The following ZNF831 variants were observed in gnomAD, a reference collection of about 807,000 sequenced individuals.
ZNF831 encodes the protein chromosome 20 open reading frame 174.
Under a neutral mutation model 95.8 loss-of-function variants are expected in ZNF831, and 59 were observed. The observed-to-expected ratio is 0.62, with a 90% CI of 0.50 to 0.77. The LOEUF is 0.77. Among genes scored for constraint, ZNF831 ranks in the 30% least tolerant of loss-of-function variants. The probability of loss-of-function intolerance (pLI) is 0.00; values close to 1 mark genes in which losing one functional copy is unlikely to be tolerated. For missense variants in ZNF831, 2,205 were observed against 2,164.0 expected, an observed-to-expected ratio of 1.02 and a Z score of -0.38; for synonymous variants, 961 against 925.5, an observed-to-expected ratio of 1.04 and a Z score of -0.70.
rs1005209832 is a variant in ZNF831 at position 59,193,892 on chromosome 20, G to A, written c.2873G>A (p.Trp958Ter). 22 of 1,606,976 alleles carry A rather than the reference G, an allele frequency of 1.4e-5. No individual in the cohort carries two copies. In the Admixed American group the frequency reaches 2.7e-4, roughly 20 times the overall value. The change falls in exon 2 of 6, where the codon TGG becomes TAG. Residue 958 changes from tryptophan (W) to a stop codon, truncating the protein, a stop_gained. Coordinates refer to ENST00000371030, the MANE Select transcript of ZNF831 (RefSeq NM_178457.3). LOFTEE classifies it high-confidence loss of function. ...ACCCCCTTACCACTGCCCATTCCCT[G>A]GGGACCAAGGCACAGCCAGGACTCT... The part of the protein sequence containing the change: ...AETPLPLPIP[W>*]GPRHSQDSLC...
Position 59,191,132 on chromosome 20 carries a change from G to A in ZNF831, c.113G>A (p.Gly38Asp), listed in dbSNP as rs765715020. 2 of 1,599,236 alleles carry A rather than the reference G, an allele frequency of 1.3e-6. No homozygotes were observed. Among genetic ancestry groups the A allele is most frequent in the South Asian group, 2.2e-5 (2 of 90,468 alleles). ...GGQASPHLTL[G>D]PVLLPPEQGL... Reference sequence around the variant, plus strand: ...CAGGCCTCACCTCACCTGACCCTGGGCCCTGTCCTTCTGCCGCCAGAGCAG... The same window carrying A: ...CAGGCCTCACCTCACCTGACCCTGGACCCTGTCCTTCTGCCGCCAGAGCAG... Residue 38 changes from glycine to aspartate, a missense_variant, in exon 2 of 6, where the codon GGC (glycine) becomes GAC (aspartate). Transcript: ENST00000371030.
Position 59,217,419 on chromosome 20 carries a change from C to A in ZNF831, c.4027+10363C>A, listed in dbSNP as rs1985768462. ...ACACTTGCATCATGCTCCTTGGACACACTGTTTATATCTCCTTAGCCCAGG... is the reference window on the plus strand; with the variant it reads ...ACACTTGCATCATGCTCCTTGGACAAACTGTTTATATCTCCTTAGCCCAGG... On this transcript the variant is annotated intron_variant, in intron 4 of 5. Transcript: ENST00000371030. This position sits in a 1 kb window ranked among gnomAD's most constrained non-coding sequence, Gnocchi z 4.4. 6.6e-6 allele frequency among the ~76,000 whole-genome samples: 1 copy of A among 152,246 alleles called. No individual in the cohort carries two copies. The highest frequency in any genetic ancestry group is 2.4e-5 in the African/African-American group (1 of 41,460).
intron 1 of ZNF831, among the ~76,000 whole-genome samples, chr20:59,186,983 T>C (rs1325831452): frequency 6.6e-6 from 1 of 151,982 alleles, no homozygotes; most frequent in Non-Finnish European, 1.5e-5. Context: ...TTTGCTGATT[T>C]TTGTGGTGTC....
chr20:59,139,182 G>A (rs1473086363), intron 1 of ZNF831, among the ~76,000 whole-genome samples: 1 of 152,126 alleles, frequency 6.6e-6, no homozygotes, highest in Non-Finnish European at 1.5e-5. Flanking sequence ...CTTAGGCCTT[G>A]AGGTTCATCC....
Position 59,192,498 on chromosome 20 carries a change from C to T in ZNF831, c.1479C>T (p.Ser493=), listed in dbSNP as rs2146566546. 6.4e-7 allele frequency: 1 copy of T among 1,562,946 alleles called. No homozygotes were observed. The highest frequency in any genetic ancestry group is 8.7e-7 in the Non-Finnish European group (1 of 1,155,616). ...TCCACTCCGTCCCCACTCAGCTCTC[C>T]ACCACCGTGGAATGTGTCCCCGTCA... ...LFFHSVPTQL[S]TTVECVPVTR... is the part of the protein sequence containing the mutation. The change falls in exon 2 of 6, where the codon TCC becomes TCT. Residue 493 remains serine (S), a synonymous_variant. Transcript: ENST00000371030. The surrounding 1 kb of genome is among the most constrained non-coding windows in gnomAD (Gnocchi z 5.2).
At chr20:59,218,654 G>T (rs908642258) in intron 4 of ZNF831, among the ~76,000 whole-genome samples, 2 of 151,664 alleles carry the variant, frequency 1.3e-5, no homozygotes, top group African/African-American at 2.4e-5. Context: ...GCCTGGTTTG[G>T]TCATGTGGCT....
intron 4 of ZNF831, among the ~76,000 whole-genome samples, chr20:59,228,226 C>T (rs1433686040): frequency 2.6e-5 from 4 of 152,132 alleles, no homozygotes; most frequent in Non-Finnish European, 4.4e-5. Context: ...TATTACTGCT[C>T]ATGGATCTCT....
intron 1 of ZNF831, among the ~76,000 whole-genome samples, chr20:59,135,599 C>A (rs964493984): frequency 6.6e-6 from 1 of 151,942 alleles, no homozygotes; most frequent in East Asian, 1.9e-4. Flanking sequence ...GGCGTGGTGG[C>A]GGGTGCCTGT....
intron 2 of ZNF831, among the ~76,000 whole-genome samples, chr20:59,157,416 C>T (rs1321500624): frequency 1.3e-5 from 2 of 152,232 alleles, no homozygotes; most frequent in Non-Finnish European, 2.9e-5. Flanking sequence ...GGATTCTGAA[C>T]TCTGGCTTGG....
chr20:59,134,909 T>G (rs2146438976), intron 1 of ZNF831, among the ~76,000 whole-genome samples: 1 of 152,278 alleles, frequency 6.6e-6, no homozygotes, highest in South Asian at 2.1e-4. Context: ...GTGGTGAGGA[T>G]TGAGGAATAC....
At chr20:59,153,637 G>A (rs923427859) in intron 2 of ZNF831, among the ~76,000 whole-genome samples, 2 of 149,198 alleles carry the variant, frequency 1.3e-5, no homozygotes, top group Non-Finnish European at 3.0e-5. Flanking sequence ...GTGGTTGGGG[G>A]CTGGTGACCC....
At chr20:59,176,629 T>G (rs1236293350) in intron 1 of ZNF831, among the ~76,000 whole-genome samples, 1 of 152,220 alleles carries the variant, frequency 6.6e-6, no homozygotes, top group Non-Finnish European at 1.5e-5. Context: ...TGTATTTCGC[T>G]TTAGTGCGTA....
rs2146603815 is a variant in ZNF831 at position 59,194,692 on chromosome 20, C to G, written c.3673C>G (p.Pro1225Ala). The change falls in exon 2 of 6, where the codon CCT becomes GCT. Residue 1225 changes from proline (P) to alanine (A), a missense_variant. By Grantham distance (27) the Pro-to-Ala change is conservative. Transcript: ENST00000371030. The part of the protein sequence containing the change: ...SLRDEGPNGP[P>A]GSNGGWTWTS... ...CCGAGATGAGGGTCCCAATGGCCCT[C>G]CTGGGAGCAATGGAGGATGGACCTG... 1.9e-6 allele frequency: 3 copies of G among 1,609,686 alleles called. No homozygotes were observed. The highest frequency in any genetic ancestry group is 2.5e-6 in the Non-Finnish European group (3 of 1,177,832).
In ZNF831 at chr20:59,152,001, G is replaced by A. The variant is rs116707364; in HGVS notation, c.-1281+5627G>A. ...AGTCTCTGGCTGAGTGGTTTGGGGC[G>A]AGCTGCCTCACCACTATCAACCTCC... is the stretch of plus-strand genomic sequence containing the variant. On this transcript the variant is annotated intron_variant, in intron 2 of 7. Transcript: ENST00000637017. Among the ~76,000 whole-genome samples, 1,259 of 152,248 alleles carry A rather than the reference G, an allele frequency of 8.3e-3. 17 individuals carry two copies. The highest frequency in any genetic ancestry group is 0.028 in the African/African-American group (1,175 of 41,528).
intron 3 of ZNF831, among the ~76,000 whole-genome samples, chr20:59,204,559 G>T (rs1311009316): frequency 6.6e-6 from 1 of 152,194 alleles, no homozygotes; most frequent in African/African-American, 2.4e-5. Flanking sequence ...GTCAAGAGAG[G>T]AAAGTGAGGG....
At chr20:59,155,695 C>T (rs1260884150) in intron 2 of ZNF831, among the ~76,000 whole-genome samples, 12 of 152,122 alleles carry the variant, frequency 7.9e-5, no homozygotes, top group Non-Finnish European at 7.4e-5. Context: ...GAAGGGGCAC[C>T]GTATTGTGAT....
Position 59,193,284 on chromosome 20 carries a change from G to A in ZNF831, c.2265G>A (p.Leu755=), listed in dbSNP as rs1238268922. ...RSPLVSPNGR[L]ELGWQMPPAP... Reference sequence around the variant, plus strand: ...CCCTGGTCTCTCCAAATGGGAGGCTGGAACTGGGGTGGCAGATGCCCCCAG... The same window carrying A: ...CCCTGGTCTCTCCAAATGGGAGGCTAGAACTGGGGTGGCAGATGCCCCCAG... The change falls in exon 2 of 6, where the codon CTG becomes CTA. Residue 755 remains leucine (L), a synonymous_variant. Transcript: ENST00000371030. The A allele has an allele frequency of 6.2e-7, 1 of 1,610,672 alleles. No individual in the cohort carries two copies. The highest frequency in any genetic ancestry group is 1.3e-5 in the African/African-American group (1 of 74,852).
At chr20:59,190,840 C>T in intron 1 of ZNF831, 144 bp from the exon 2 acceptor site, 1 of 644,884 alleles carries the variant, frequency 1.6e-6, no homozygotes, top group East Asian at 3.4e-5. Context: ...AGAGTACCTT[C>T]CTCTCGCTTG....
chr20:59,237,119 TCATAATAATGAACTATACCTAA>T, intron 4 of ZNF831, among the ~76,000 whole-genome samples: 1 of 152,320 alleles, frequency 6.6e-6, no homozygotes, highest in African/African-American at 2.4e-5. Flanking sequence ...GAAAGAACCT[TCATAATAATGAACTATACCTAA>T]TAAGCCTTTC....
Sources: allele counts gnomAD v4.1 joint callset (sites outside exome capture counted in the v4.1 genomes callset), GRCh38; gene constraint gnomAD v4.1.1; non-coding constraint Gnocchi (gnomAD v3.1); transcripts MANE v1.5; gene names NCBI Gene and HGNC (gene_info 2026-07-23, HGNC 2026-07-21).